Variants in CFTR observed in about 807,000 individuals in gnomAD.
CFTR encodes the protein CF transmembrane conductance regulator, also known as cystic fibrosis transmembrane conductance regulator.
In CFTR, 181 loss-of-function variants were observed where a neutral mutation model predicts 171.6. The observed-to-expected ratio is 1.05, with a 90% CI of 0.93 to 1.19. CFTR has a LOEUF of 1.19. CFTR is among the 50% of genes most tolerant of loss of function. The pLI, the probability that CFTR is intolerant of heterozygous loss-of-function variation, is 0.00. For missense variants in CFTR, 1,968 were observed against 1,734.7 expected (o/e 1.13, Z -2.39); for synonymous variants, 583 against 608.0 (o/e 0.96, Z 0.60).
chr7:117,524,458 T>C (rs1798740385), intron 3 of CFTR, among the ~76,000 whole-genome samples: 1 of 150,624 alleles, frequency 6.6e-6, no homozygotes, highest in Admixed American at 6.6e-5. Flanking sequence ...AAAAACAACA[T>C]AATATAGAAC....
rs187006659 is a variant in CFTR, at chr7:117,480,532, A to G, written c.53+385A>G. ...ACACTTGATTGTCTTCTTGGCACAT[A>G]CAGGTGCCATGCCTGCATATAGTAA... On this transcript the variant is annotated intron_variant, in intron 1 of 26. Transcript: ENST00000003084. Among the ~76,000 whole-genome samples, 35 of 152,312 alleles carry G rather than the reference A, an allele frequency of 2.3e-4. No individual in the cohort carries two copies. In the East Asian group the frequency reaches 6.8e-3, roughly 29 times the overall value.
chr7:117,579,567 G>A (rs1216719362), intron 11 of CFTR, among the ~76,000 whole-genome samples: 1 of 151,054 alleles, frequency 6.6e-6, no homozygotes, highest in African/African-American at 2.4e-5. Context: ...TATTATTTAT[G>A]TTATTAGTAT....
rs180837876 is a variant in CFTR, at chr7:117,608,425, G to A, written c.2988+1672G>A. On this transcript the variant is annotated intron_variant, in intron 18 of 26. Coordinates refer to ENST00000003084, the MANE Select transcript of CFTR (RefSeq NM_000492.4). ...TCACCACGTTGGCCAGGCTGGTCTT[G>A]AACTCCTGAACTCCTGACCTCAAGT... is the stretch of plus-strand genomic sequence containing the variant. Among the ~76,000 whole-genome samples, 397 of 152,140 alleles carry A rather than the reference G, an allele frequency of 2.6e-3. 3 individuals carry two copies. The highest frequency in any genetic ancestry group is 9.0e-3 in the African/African-American group (374 of 41,500).
Position 117,516,650 on chromosome 7 carries a change from T to C in CFTR, c.273+7508T>C, listed in dbSNP as rs547255057. On this transcript the variant is annotated intron_variant, in intron 3 of 26. Transcript: ENST00000003084. The stretch of plus-strand genomic sequence containing the variant: ...TCTAACTGTCTAGTTCAAATATTAG[T>C]TTTTGTTTATTTTTATTTTTAATTT... Among the ~76,000 whole-genome samples, 4 of 152,186 alleles carry C rather than the reference T, an allele frequency of 2.6e-5. No homozygotes were observed. The South Asian group carries it at 8.3e-4, about 32-fold the overall frequency.
chr7:117,574,513 T>C (rs745871145), intron 11 of CFTR, among the ~76,000 whole-genome samples: 2 of 152,106 alleles, frequency 1.3e-5, no homozygotes, highest in Admixed American at 6.5e-5. Flanking sequence ...ACATCAAATC[T>C]TCTCAGATGT....
chr7:117,662,719 G>A (rs966740196), intron 24 of CFTR, among the ~76,000 whole-genome samples: 1 of 152,132 alleles, frequency 6.6e-6, no homozygotes, highest in Admixed American at 6.6e-5. Flanking sequence ...TTTGTAGGAT[G>A]ATTCTTAAGA....
At chr7:117,548,051 C>T (rs1211642670) in intron 9 of CFTR, among the ~76,000 whole-genome samples, 1 of 152,154 alleles carries the variant, frequency 6.6e-6, no homozygotes, top group Non-Finnish European at 1.5e-5. Flanking sequence ...TTCGTAGCTA[C>T]TTTTGTGAAA....
At chr7:117,568,954 G>A (rs1326456678) in intron 11 of CFTR, among the ~76,000 whole-genome samples, 1 of 152,196 alleles carries the variant, frequency 6.6e-6, no homozygotes. Flanking sequence ...GTGGATAGTA[G>A]TACTATCTGC....
chr7:117,523,118 T>C (rs1215426777), intron 3 of CFTR, among the ~76,000 whole-genome samples: 3 of 152,194 alleles, frequency 2.0e-5, no homozygotes, highest in African/African-American at 7.2e-5. Context: ...ATAGCTACTG[T>C]TGTTCAAAGG....
chr7:117,631,160 T>C (rs1792737881), intron 22 of CFTR, among the ~76,000 whole-genome samples: 2 of 152,092 alleles, frequency 1.3e-5, no homozygotes, highest in African/African-American at 4.8e-5. Flanking sequence ...TTTTGAGAGC[T>C]AAAGCAATAT....
rs1211644692 is a variant in CFTR at position 117,611,587 on chromosome 7, G to A, written c.3146G>A (p.Ser1049Asn). The A allele has an allele frequency of 1.9e-6, 3 of 1,596,654 alleles. No individual in the cohort carries two copies. The highest frequency in any genetic ancestry group is 2.6e-6 in the Non-Finnish European group (3 of 1,164,582). Residue 1049 changes from serine (S) to asparagine (N), a missense_variant, in exon 20 of 27, where the codon AGT becomes AAT. By Grantham distance (46) the Ser-to-Asn change is conservative (BLOSUM62 1). Transcript: ENST00000003084. Reference sequence around the variant, plus strand: ...CTATGGAAATATTTCACAGGCAGGAGTCCAATTTTCACTCATCTTGTTACA... The same window carrying A: ...CTATGGAAATATTTCACAGGCAGGAATCCAATTTTCACTCATCTTGTTACA... ...QLKQLESEGR[S>N]PIFTHLVTSL...
chr7:117,624,945 G>A (rs1792630038), intron 21 of CFTR, among the ~76,000 whole-genome samples: 2 of 152,138 alleles, frequency 1.3e-5, no homozygotes, highest in Admixed American at 1.3e-4. Context: ...TCCTTCCAGA[G>A]GTACTGGAGG....
chr7:117,653,404 G>A (rs1424339122), intron 24 of CFTR, among the ~76,000 whole-genome samples: 1 of 152,150 alleles, frequency 6.6e-6, no homozygotes, highest in Non-Finnish European at 1.5e-5. Flanking sequence ...CAGCAGGTTT[G>A]CTGTCTCGTG....
intron 21 of CFTR, among the ~76,000 whole-genome samples, chr7:117,625,149 T>C (rs189690734): frequency 6.6e-6 from 1 of 152,330 alleles, no homozygotes; most frequent in African/African-American, 2.4e-5. Flanking sequence ...TGTCTGCTCA[T>C]ATGCTGTGAA....
chr7:117,621,958 C>T (rs150458994), intron 21 of CFTR, among the ~76,000 whole-genome samples: 57 of 152,248 alleles, frequency 3.7e-4, no homozygotes, highest in Admixed American at 5.9e-4. Flanking sequence ...TATTTTGAAA[C>T]GTTGGTGTTA....
chr7:117,583,991 C>T (rs1791892262), intron 11 of CFTR, among the ~76,000 whole-genome samples: 1 of 151,810 alleles, frequency 6.6e-6, no homozygotes, highest in Admixed American at 6.6e-5. Context: ...TCTATTCTGT[C>T]CTTTGCCCAC....
At chr7:117,606,451 A>G (rs1485515605) in intron 17 of CFTR, among the ~76,000 whole-genome samples, 1 of 152,208 alleles carries the variant, frequency 6.6e-6, no homozygotes, top group Non-Finnish European at 1.5e-5. Flanking sequence ...CAAGAATCTG[A>G]AACTTTTAAA....
chr7:117,664,636 T>G, intron 24 of CFTR, 52 bp from the exon 25 acceptor site: 1 of 1,522,498 alleles, frequency 6.6e-7, no homozygotes, highest in Non-Finnish European at 9.1e-7. Context: ...GAATGTCAAC[T>G]GCTTGAGTGT....
At chr7:117,492,501 C>T (rs1798175957) in intron 1 of CFTR, among the ~76,000 whole-genome samples, 1 of 151,908 alleles carries the variant, frequency 6.6e-6, no homozygotes, top group African/African-American at 2.4e-5. Context: ...TGCTCTGTTC[C>T]AGGCACTGAA....
Sources: gnomAD v4.1 joint callset for allele counts (sites outside exome capture counted in the v4.1 genomes callset) on GRCh38, gnomAD v4.1.1 for gene constraint, MANE v1.5 for transcripts, NCBI Gene and HGNC (gene_info 2026-07-23, HGNC 2026-07-21) for gene names.